Variants in ERC1 observed in about 807,000 individuals in gnomAD.
The protein encoded by ERC1 is ELKS/RAB6-interacting/CAST family member 1.
ERC1 carries 56 observed loss-of-function variants against 132.0 expected under a neutral mutation model. The ratio of observed to expected loss-of-function variants is 0.42; its 90% confidence interval spans 0.34 to 0.53. ERC1 has a LOEUF of 0.53. ERC1 is among the 20% of genes least tolerant of loss of function. The pLI, the probability that ERC1 is intolerant of heterozygous loss-of-function variation, is 0.03. For synonymous variants in ERC1, 478 were observed against 476.1 expected, an observed-to-expected ratio of 1.00 and a Z score of -0.05; for missense variants, 1,202 against 1,349.9, an observed-to-expected ratio of 0.89 and a Z score of 1.72.
chr12:1,328,213 C>G (rs1368732229), intron 15 of ERC1, among the ~76,000 whole-genome samples: 1 of 152,104 alleles, frequency 6.6e-6, no homozygotes, highest in African/African-American at 2.4e-5. Context: ...TTGGCATAAT[C>G]ACTGGTCACT....
At chr12:1,396,817 GTGGGGAGT>G (rs1183241739) in intron 16 of ERC1, among the ~76,000 whole-genome samples, 1 of 152,164 alleles carries the variant, frequency 6.6e-6, no homozygotes, top group Non-Finnish European at 1.5e-5. Flanking sequence ...CTCACAAGAG[GTGGGGAGT>G]TGGAACCGAA....
chr12:1,330,797 G>T (rs935054986), intron 15 of ERC1, among the ~76,000 whole-genome samples: 2 of 152,138 alleles, frequency 1.3e-5, no homozygotes. Context: ...ACTCCTAGTA[G>T]ACTTAGAGTC....
Position 1,394,658 on chromosome 12 carries a change from C to A in ERC1, c.2926-13491C>A, listed in dbSNP as rs79399492. ...GGTTTAAAAGTGTGCGATACTTCCC[C>A]CCTCACCTGTGCTCTCACTCTCTCC... On this transcript the variant is annotated intron_variant, in intron 16 of 18. Transcript: ENST00000360905. Among the ~76,000 whole-genome samples the A allele has an allele frequency of 5.9e-3, 893 of 152,212 alleles. 9 individuals carry two copies. The highest frequency in any genetic ancestry group is 0.02 in the African/African-American group (841 of 41,522).
intron 8 of ERC1, among the ~76,000 whole-genome samples, chr12:1,175,295 C>T (rs897381627): frequency 2.6e-5 from 4 of 152,090 alleles, no homozygotes; most frequent in African/African-American, 7.2e-5. Context: ...TCTCTGAATC[C>T]TGCAGTGCTA....
chr12:1,360,945 G>C (rs1300002592), intron 15 of ERC1, among the ~76,000 whole-genome samples: 1 of 151,762 alleles, frequency 6.6e-6, no homozygotes, highest in Non-Finnish European at 1.5e-5. Context: ...GAATAAGCTA[G>C]GTATGGTGAT....
intron 6 of ERC1, among the ~76,000 whole-genome samples, chr12:1,112,782 A>G (rs1035080824): frequency 6.6e-6 from 1 of 152,202 alleles, no homozygotes; most frequent in African/African-American, 2.4e-5. Flanking sequence ...TTTCTTTAGG[A>G]CAGATGTATA....
At chr12:1,196,547 G>A (rs1300164372) in intron 12 of ERC1, among the ~76,000 whole-genome samples, 2 of 149,624 alleles carry the variant, frequency 1.3e-5, no homozygotes, top group African/African-American at 4.9e-5. Context: ...AGGCTGGAGT[G>A]TAGTGGCGTG....
chr12:1,200,598 G>A (rs938927688), intron 12 of ERC1, among the ~76,000 whole-genome samples: 2 of 148,724 alleles, frequency 1.3e-5, no homozygotes, highest in South Asian at 2.1e-4. Flanking sequence ...TCTCTCTGTC[G>A]CCCAGGCTGG....
At chr12:1,021,991 C>T (rs752635032) in intron 1 of ERC1, among the ~76,000 whole-genome samples, 4 of 152,172 alleles carry the variant, frequency 2.6e-5, no homozygotes, top group Non-Finnish European at 4.4e-5. Flanking sequence ...TCACAGTTCT[C>T]AACATTACTT....
chr12:1,290,111 T>TA (rs2079335805), intron 15 of ERC1, 99 bp downstream of exon 15: 3 of 1,017,160 alleles, frequency 2.9e-6, no homozygotes, highest in Non-Finnish European at 4.4e-6. Context: ...CCAATACACT[T>TA]ACTTAATTTT....
At chr12:1,485,387 T>C (rs1242388586) in intron 18 of ERC1, among the ~76,000 whole-genome samples, 1 of 151,688 alleles carries the variant, frequency 6.6e-6, no homozygotes, top group Non-Finnish European at 1.5e-5. Context: ...GTATTTTTAG[T>C]AGAGACAGAG....
chr12:1,361,145 A>G (rs2154370586), intron 15 of ERC1, among the ~76,000 whole-genome samples: 1 of 150,666 alleles, frequency 6.6e-6, no homozygotes, highest in African/African-American at 2.4e-5. Context: ...AATGGAAGAT[A>G]CTCAAAGATA....
chr12:1,185,946 G>A (rs185260562), intron 11 of ERC1, among the ~76,000 whole-genome samples: 6 of 152,006 alleles, frequency 3.9e-5, no homozygotes, highest in Admixed American at 3.3e-4. Context: ...GTACAGTTTC[G>A]CTAACACATT....
At chr12:1,437,112 G>C (rs533746994) in intron 17 of ERC1, among the ~76,000 whole-genome samples, 74 of 152,302 alleles carry the variant, frequency 4.9e-4, no homozygotes, top group Middle Eastern at 3.4e-3. Context: ...TTAACAGCAA[G>C]AAAGAATTTT....
intron 12 of ERC1, among the ~76,000 whole-genome samples, chr12:1,212,162 C>G (rs1315608179): frequency 6.6e-6 from 1 of 152,086 alleles, no homozygotes; most frequent in African/African-American, 2.4e-5. Context: ...CTACGCATTC[C>G]TTGCTTAGCA....
At chr12:1,143,025 A>G (rs1478497803) in intron 8 of ERC1, among the ~76,000 whole-genome samples, 1 of 152,076 alleles carries the variant, frequency 6.6e-6, no homozygotes, top group Non-Finnish European at 1.5e-5. Flanking sequence ...CAGCCTCCCA[A>G]GTAGCTGGGA....
intron 18 of ERC1, among the ~76,000 whole-genome samples, chr12:1,448,785 CCACTGGGG>C (rs1364281621): frequency 6.6e-6 from 1 of 152,258 alleles, no homozygotes; most frequent in Non-Finnish European, 1.5e-5. Context: ...TACACAGTCC[CCACTGGGG>C]CACTGCCTAG....
intron 8 of ERC1, among the ~76,000 whole-genome samples, chr12:1,167,219 T>C (rs1298310142): frequency 6.6e-6 from 1 of 152,234 alleles, no homozygotes; most frequent in Non-Finnish European, 1.5e-5. Context: ...GTCAGAGTAG[T>C]AAATACACAG....
At chr12:1,249,859 C>A (rs2076367851) in intron 13 of ERC1, among the ~76,000 whole-genome samples, 1 of 152,180 alleles carries the variant, frequency 6.6e-6, no homozygotes, top group African/African-American at 2.4e-5. Flanking sequence ...TTGTTGTGTC[C>A]TCACATGGTG....
Sources: allele counts gnomAD v4.1 joint callset (sites outside exome capture counted in the v4.1 genomes callset), GRCh38; gene constraint gnomAD v4.1.1; transcripts MANE v1.5; gene names NCBI Gene and HGNC (gene_info 2026-07-23, HGNC 2026-07-21).